Variants in EVI5 observed in about 807,000 individuals in gnomAD.
The protein encoded by EVI5 is ecotropic viral integration site 5 protein homolog.
Under a neutral mutation model 112.0 loss-of-function variants are expected in EVI5, and 73 were observed. The observed-to-expected ratio is 0.65, with a 90% CI of 0.54 to 0.79. The LOEUF (loss-of-function observed/expected upper bound fraction) is 0.79. Ranked by LOEUF, EVI5 falls within the 30% of genes least tolerant of loss-of-function variation. The pLI is 0.00. For synonymous variants in EVI5, 305 were observed against 319.9 expected (o/e 0.95, Z 0.50); for missense variants, 900 against 968.8 (o/e 0.93, Z 0.94).
At chr1:92,768,769 G>A (rs1462776456) in intron 1 of EVI5, among the ~76,000 whole-genome samples, 1 of 152,268 alleles carries the variant, frequency 6.6e-6, no homozygotes, top group Non-Finnish European at 1.5e-5. Context: ...CAGCTACTCA[G>A]GAGGCTGAGG....
At chr1:92,781,567 A>G (rs568331098) in intron 1 of EVI5, among the ~76,000 whole-genome samples, 57 of 152,226 alleles carry the variant, frequency 3.7e-4, no homozygotes, top group Middle Eastern at 3.4e-3. Context: ...ATATGTTCAT[A>G]TTCTCAGGTT....
At chr1:92,776,924 TC>T (rs1412608736) in intron 1 of EVI5, among the ~76,000 whole-genome samples, 1 of 151,806 alleles carries the variant, frequency 6.6e-6, no homozygotes, top group Non-Finnish European at 1.5e-5. Flanking sequence ...TGCCTCAGCC[TC>T]CCGAGTAGCT....
chr1:92,700,583 C>T (rs1422484801), intron 5 of EVI5, among the ~76,000 whole-genome samples: 1 of 152,072 alleles, frequency 6.6e-6, no homozygotes, highest in Non-Finnish European at 1.5e-5. Flanking sequence ...AATATCTCTA[C>T]CACCACTGCT....
intron 18 of EVI5, among the ~76,000 whole-genome samples, chr1:92,601,355 T>A (rs765451457): frequency 6.6e-6 from 1 of 152,200 alleles, no homozygotes. Flanking sequence ...ATTCCACTAC[T>A]GGGTATATAT....
chr1:92,544,890 T>C (rs1222945745), intron 19 of EVI5, among the ~76,000 whole-genome samples: 3 of 152,182 alleles, frequency 2.0e-5, no homozygotes, highest in Non-Finnish European at 4.4e-5. Context: ...CACAGGTTCC[T>C]CAGACTGACC....
upstream of EVI5, among the ~76,000 whole-genome samples, chr1:92,788,109 G>C (rs1201556125): frequency 1.3e-5 from 2 of 152,038 alleles, no homozygotes; most frequent in Non-Finnish European, 2.9e-5. Flanking sequence ...GAGTTACATA[G>C]GTATATTCAC....
At chr1:92,675,274 G>A (rs556593016) in intron 10 of EVI5, among the ~76,000 whole-genome samples, 12 of 152,170 alleles carry the variant, frequency 7.9e-5, no homozygotes, top group Non-Finnish European at 1.5e-4. Flanking sequence ...AGCGCGGGAG[G>A]TCAAGGCTGC....
At chr1:92,666,083 A>G (rs1201825659) in intron 10 of EVI5, 91 bp from the exon 11 acceptor site, 1 of 784,978 alleles carries the variant, frequency 1.3e-6, no homozygotes, top group East Asian at 2.5e-5. Flanking sequence ...ATCACCTTTT[A>G]TAAATAAGAA....
intron 19 of EVI5, among the ~76,000 whole-genome samples, chr1:92,533,929 G>C (rs915723769): frequency 1.6e-4 from 25 of 152,140 alleles, no homozygotes. Context: ...GTTCTGGCCA[G>C]GGCAATCAGG....
At chr1:92,724,649 A>G (rs1675281652) in intron 2 of EVI5, among the ~76,000 whole-genome samples, 2 of 152,008 alleles carry the variant, frequency 1.3e-5, no homozygotes, top group African/African-American at 4.8e-5. Context: ...CTCTATAAAA[A>G]GTACAAAAAT....
intron 10 of EVI5, among the ~76,000 whole-genome samples, chr1:92,676,143 T>C (rs893870697): frequency 6.6e-6 from 1 of 151,674 alleles, no homozygotes; most frequent in African/African-American, 2.4e-5. Context: ...ATAGAACCTC[T>C]AGAAAAGGGA....
intron 2 of EVI5, among the ~76,000 whole-genome samples, chr1:92,732,804 G>A (rs1282110846): frequency 6.7e-6 from 1 of 149,030 alleles, no homozygotes; most frequent in African/African-American, 2.5e-5. Flanking sequence ...GGAGGCTGAG[G>A]GAGAAGAATT....
chr1:92,722,872 CA>C (rs1238265986), intron 2 of EVI5, among the ~76,000 whole-genome samples: 16 of 152,288 alleles, frequency 1.1e-4, no homozygotes, highest in African/African-American at 3.6e-4. Context: ...ACTAAACCCA[CA>C]AAAAGTTATG....
chr1:92,520,036 G>T (rs982327909), intron 19 of EVI5, among the ~76,000 whole-genome samples: 1 of 152,068 alleles, frequency 6.6e-6, no homozygotes, highest in African/African-American at 2.4e-5. Context: ...GCCTAGGACT[G>T]GGGGAGAGAA....
intron 19 of EVI5, among the ~76,000 whole-genome samples, chr1:92,553,499 C>T (rs1425627324): frequency 6.6e-6 from 1 of 152,060 alleles, no homozygotes; most frequent in Non-Finnish European, 1.5e-5. Context: ...GACAGGCTTT[C>T]TCCATGTTGG....
At chr1:92,750,224 G>A (rs539882032) in intron 1 of EVI5, among the ~76,000 whole-genome samples, 326 of 152,140 alleles carry the variant, frequency 2.1e-3, no homozygotes, top group African/African-American at 7.5e-3. Context: ...TGAGATGTGG[G>A]GAAGACAGAG....
chr1:92,620,453 A>G (rs1358886363), intron 16 of EVI5, among the ~76,000 whole-genome samples: 4 of 151,650 alleles, frequency 2.6e-5, no homozygotes, highest in African/African-American at 4.8e-5. Context: ...AAAAGAGAGA[A>G]AAAAAAACCC....
intron 19 of EVI5, among the ~76,000 whole-genome samples, chr1:92,527,895 CT>C (rs974568279): frequency 3.3e-4 from 51 of 152,270 alleles, no homozygotes; most frequent in African/African-American, 1.2e-3. Context: ...TTTGGGTTGT[CT>C]CCAATCTATT....
chr1:92,700,267 T>C (rs927214333), intron 5 of EVI5, among the ~76,000 whole-genome samples: 2 of 152,218 alleles, frequency 1.3e-5, no homozygotes, highest in Non-Finnish European at 2.9e-5. Flanking sequence ...TACCTAATAT[T>C]ATAGGAGTGA....
Sources: gnomAD v4.1 joint callset for allele counts (sites outside exome capture counted in the v4.1 genomes callset) on GRCh38, gnomAD v4.1.1 for gene constraint, MANE v1.5 for transcripts, NCBI Gene and HGNC (gene_info 2026-07-23, HGNC 2026-07-21) for gene names.